The following CUZD1 variants were observed in gnomAD, a reference collection of about 807,000 sequenced individuals.
CUZD1 encodes the protein CUB and zona pellucida-like domain-containing protein 1.
A neutral mutation model predicts 53.1 loss-of-function variants in CUZD1; 42 were observed. That is an observed-to-expected ratio of 0.79 (90% CI 0.62 to 1.02). CUZD1 has a LOEUF of 1.02. Among genes scored for constraint, CUZD1 ranks in the 50% least tolerant of loss-of-function variants. CUZD1 has a pLI of 0.00. For missense variants in CUZD1, 670 were observed against 715.7 expected, an observed-to-expected ratio of 0.94 and a Z score of 0.73; for synonymous variants, 238 against 257.2, an observed-to-expected ratio of 0.93 and a Z score of 0.71.
chr10:122,837,136 T>C (rs1012496777), intron 4 of CUZD1, 88 bp from the exon 5 acceptor site: 1 of 1,100,560 alleles, frequency 9.1e-7, no homozygotes, highest in Non-Finnish European at 1.3e-6. Flanking sequence ...TCTTAAGTGA[T>C]TATGGATTTT....
chr10:122,835,987 T>C (rs1847244483), intron 6 of CUZD1, among the ~76,000 whole-genome samples, 191 bp downstream of exon 6: 1 of 152,092 alleles, frequency 6.6e-6, no homozygotes, highest in Admixed American at 6.6e-5. Flanking sequence ...ATCCTGAAAA[T>C]GAATGCAGCA....
chr10:122,842,873 A>G (rs1783815578), intron 1 of CUZD1, among the ~76,000 whole-genome samples: 1 of 152,246 alleles, frequency 6.6e-6, no homozygotes, highest in African/African-American at 2.4e-5. Context: ...ATTCAGCATC[A>G]TTAGTCATCA....
chr10:122,841,898 T>C (rs1461410976), intron 1 of CUZD1, among the ~76,000 whole-genome samples: 1 of 152,242 alleles, frequency 6.6e-6, no homozygotes, highest in East Asian at 1.9e-4. Flanking sequence ...TTCATGTTCT[T>C]ATTTGCCTTC....
Position 122,835,030 on chromosome 10 carries a change from A to G in CUZD1, c.1058T>C (p.Ile353Thr). 2 of 1,612,612 alleles carry G rather than the reference A, an allele frequency of 1.2e-6. No homozygotes were observed. Among genetic ancestry groups the G allele is most frequent in the Non-Finnish European group, 1.7e-6 (2 of 1,179,092 alleles). The change falls in exon 7 of 9, where the codon ATC (isoleucine) becomes ACC (threonine). Residue 353 changes from isoleucine to threonine, a missense_variant. Transcript: ENST00000392790. ...TFSASSTSEV[I>T]TRQKQLQIIV... The stretch of plus-strand genomic sequence containing the variant: ...AATCTGGAGTTGTTTCTGACGGGTG[A>G]TCACTTCAGAAGTTGAGGATGCAGA...
At position 122,839,072 on chromosome 10, in the gene CUZD1, T is replaced by C; in HGVS notation, c.393A>G (p.Ser131=). ...STLTFQIVTD[S]ARIQRTVFVF... ...CAAAGACAGTTCTTTGAATTCTTGC[T>C]GAGTCAGTAACTATTTGAAACGTCA... The change falls in exon 3 of 9, where the codon TCA becomes TCG. Residue 131 remains serine, a synonymous_variant. Transcript: ENST00000392790. 6.2e-7 allele frequency: 1 copy of C among 1,614,172 alleles called. No individual in the cohort carries two copies. The highest frequency in any genetic ancestry group is 8.5e-7 in the Non-Finnish European group (1 of 1,179,984).
At chr10:122,842,964 G>A (rs1468860382) in intron 1 of CUZD1, among the ~76,000 whole-genome samples, 2 of 152,158 alleles carry the variant, frequency 1.3e-5, no homozygotes, top group Non-Finnish European at 2.9e-5. Flanking sequence ...AAAACAGCAA[G>A]TGTTGACAAG....
Position 122,839,199 on chromosome 10 carries a change from T to C in CUZD1, c.266A>G (p.Asn89Ser). The change falls in exon 3 of 9, where the codon AAC becomes AGC. Residue 89 changes from asparagine to serine, a missense_variant. Asn to Ser is a conservative substitution (Grantham distance 46). Coordinates refer to ENST00000392790, the MANE Select transcript of CUZD1 (RefSeq NM_022034.6). ...LDPDGSCESE[N>S]IKVFDGTSSN... ...GGAGGTTCCGTCAAAGACTTTAATGTTTTCACTTTCACAGCTTCCATCTGG... is the reference window on the plus strand; with the variant it reads ...GGAGGTTCCGTCAAAGACTTTAATGCTTTCACTTTCACAGCTTCCATCTGG... 1 of 1,614,052 alleles carries C rather than the reference T, an allele frequency of 6.2e-7. No individual in the cohort carries two copies. Among genetic ancestry groups the C allele is most frequent in the Non-Finnish European group, 8.5e-7 (1 of 1,179,918 alleles).
chr10:122,834,904 G>T lies in CUZD1; in HGVS notation c.1184C>A (p.Thr395Asn). 6.2e-7 allele frequency: 1 copy of T among 1,613,452 alleles called. No individual in the cohort carries two copies. The highest frequency in any genetic ancestry group is 8.5e-7 in the Non-Finnish European group (1 of 1,179,534). Reference sequence around the variant, plus strand: ...ATTGGATTCAAAAAGAGCCATGCTGGTGTTATATTTGCCCAGTGCATTTTG... The same window carrying T: ...ATTGGATTCAAAAAGAGCCATGCTGTTGTTATATTTGCCCAGTGCATTTTG... ...QSQNALGKYNTSMALFESNSF... is the reference protein window; with the variant it reads ...QSQNALGKYNNSMALFESNSF... Residue 395 changes from threonine (T) to asparagine (N), a missense_variant, in exon 7 of 9, where the codon ACC (threonine) becomes AAC (asparagine). Transcript: ENST00000392790.
chr10:122,839,129 A>G lies in CUZD1; in HGVS notation c.336T>C (p.Tyr112=), dbSNP rs145757808. Residue 112 remains tyrosine (Y), a synonymous_variant, in exon 3 of 9, where the codon TAT becomes TAC. Transcript: ENST00000392790. ...TGGATGATGATTCAAATACAGGAAC[A>G]TAGTCGTTTTTACTGCAGACTTGCC... ...LLGQVCSKND[Y]VPVFESSSST... The G allele has an allele frequency of 2.6e-4, 419 of 1,614,094 alleles. 1 individual carries two copies. Among genetic ancestry groups the G allele is most frequent in the Non-Finnish European group, 3.2e-4 (378 of 1,180,016 alleles).
chr10:122,833,860 A>G lies in CUZD1; in HGVS notation c.1463T>C (p.Leu488Ser). The G allele has an allele frequency of 3.1e-6, 5 of 1,613,854 alleles. No homozygotes were observed. The highest frequency in any genetic ancestry group is 4.2e-6 in the Non-Finnish European group (5 of 1,179,732). Residue 488 changes from leucine (L) to serine (S), a missense_variant, in exon 8 of 9, where the codon TTG (leucine) becomes TCG (serine). Physicochemically the swap from Leu to Ser is moderately radical, Grantham distance 145 (BLOSUM62 -2). Transcript: ENST00000392790. ...GRFQFNAFKF[L>S]RSMSSVYLQC... is the part of the protein sequence containing the mutation. ...CAGATACACAGAGCTCATACTTCTCAAGAATTTAAAGGCATTAAACTGGAA... is the reference window on the plus strand; with the variant it reads ...CAGATACACAGAGCTCATACTTCTCGAGAATTTAAAGGCATTAAACTGGAA...
chr10:122,837,662 C>T (rs1418590679), intron 3 of CUZD1, 108 bp from the exon 4 acceptor site: 12 of 1,092,060 alleles, frequency 1.1e-5, no homozygotes, highest in Non-Finnish European at 1.5e-5. Flanking sequence ...ATGATTCCAT[C>T]TCTATCTTTC....
chr10:122,844,176 G>A (rs1335998750), intron 1 of CUZD1, among the ~76,000 whole-genome samples: 3 of 151,768 alleles, frequency 2.0e-5, no homozygotes, highest in African/African-American at 7.3e-5. Flanking sequence ...CTACAGTCAT[G>A]TACCACCATG....
Position 122,837,565 on chromosome 10 carries a change from TGTGAAG to T in CUZD1, c.449-17_449-12del. 1 of 1,547,262 alleles carries T rather than the reference TGTGAAG, an allele frequency of 6.5e-7. No homozygotes were observed. Among genetic ancestry groups the T allele is most frequent in the Non-Finnish European group, 8.7e-7 (1 of 1,152,598 alleles). Reference sequence around the variant, plus strand: ...CACAGTTTGGAATAGCTGAAATGGATGTGAAGGTGGTCAAGAATGAACATCAAAATA... The same window carrying T: ...CACAGTTTGGAATAGCTGAAATGGATGTGGTCAAGAATGAACATCAAAATA... On this transcript the variant is annotated splice_polypyrimidine_tract_variant and intron_variant, in intron 3 of 8. Transcript: ENST00000392790.
intron 3 of CUZD1, 60 bp downstream of exon 3, chr10:122,838,957 A>T (rs1847293962): frequency 1.6e-6 from 2 of 1,281,194 alleles, no homozygotes; most frequent in Non-Finnish European, 1.1e-6. Flanking sequence ...CCCGGACAGA[A>T]GAGTGTGTAA....
chr10:122,837,142 AT>A (rs371817686), intron 4 of CUZD1, 94 bp from the exon 5 acceptor site: 1,730 of 1,017,726 alleles, frequency 1.7e-3, no homozygotes, highest in South Asian at 2.8e-3. Context: ...GTGATTATGG[AT>A]TTTTTTTTTC....
intron 1 of CUZD1, among the ~76,000 whole-genome samples, chr10:122,842,376 G>A (rs938560710): frequency 4.6e-5 from 7 of 152,188 alleles, no homozygotes; most frequent in African/African-American, 1.4e-4. Flanking sequence ...TGAAAAGGCT[G>A]TCCTTTCTCC....
At chr10:122,834,375 T>G (rs1847211149) in intron 7 of CUZD1, among the ~76,000 whole-genome samples, 1 of 152,212 alleles carries the variant, frequency 6.6e-6, no homozygotes, top group East Asian at 1.9e-4. Flanking sequence ...GAAATAATCT[T>G]CTAGATTTTT....
intron 6 of CUZD1, among the ~76,000 whole-genome samples, 167 bp from the exon 7 acceptor site, chr10:122,835,264 T>G (rs1847231144): frequency 6.6e-6 from 1 of 152,222 alleles, no homozygotes; most frequent in Non-Finnish European, 1.5e-5. Context: ...TGAAGAAATA[T>G]TCTAGGAAAG....
rs182984670 is a variant in CUZD1 at position 122,845,278 on chromosome 10, T to C, written c.82+484A>G. ...TTTTAGTAGAGATGGGGTTTCACCA[T>C]GTTGGCCAGGCTGGTCTCGAACTCC... On this transcript the variant is annotated intron_variant, in intron 1 of 8. Transcript: ENST00000392790. Among the ~76,000 whole-genome samples, 383 of 152,298 alleles carry C rather than the reference T, an allele frequency of 2.5e-3. 1 individual carries two copies. Among genetic ancestry groups the C allele is most frequent in the African/African-American group, 8.4e-3 (349 of 41,572 alleles).
Sources: gnomAD v4.1 joint callset for allele counts (sites outside exome capture counted in the v4.1 genomes callset) on GRCh38, gnomAD v4.1.1 for gene constraint, MANE v1.5 for transcripts, NCBI Gene and HGNC (gene_info 2026-07-23, HGNC 2026-07-21) for gene names.